Variants in RALGPS2 observed in about 807,000 individuals in gnomAD.
RALGPS2 encodes the protein ras-specific guanine nucleotide-releasing factor RalGPS2.
A neutral mutation model predicts 86.8 loss-of-function variants in RALGPS2; 43 were observed. The ratio of observed to expected loss-of-function variants is 0.50; its 90% CI spans 0.39 to 0.64. The LOEUF is 0.64. Among genes scored for constraint, RALGPS2 ranks in the 30% least tolerant of loss-of-function variants. RALGPS2 has a pLI of 0.00. For missense variants in RALGPS2, 536 were observed against 694.6 expected (o/e 0.77, Z 2.57); for synonymous variants, 243 against 231.3 (o/e 1.05, Z -0.46).
chr1:178,789,277 A>G (rs1233541746), intron 4 of RALGPS2, among the ~76,000 whole-genome samples: 1 of 152,186 alleles, frequency 6.6e-6, no homozygotes, highest in Non-Finnish European at 1.5e-5. Flanking sequence ...GGTGGTACCA[A>G]GGACTGAATC....
At chr1:178,727,184 C>T (rs925926568) in intron 1 of RALGPS2, among the ~76,000 whole-genome samples, 2 of 151,642 alleles carry the variant, frequency 1.3e-5, no homozygotes, top group Non-Finnish European at 2.9e-5. Flanking sequence ...TAAAATTCAG[C>T]ATAATTTTTG....
chr1:178,822,796 T>C (rs779283034), intron 7 of RALGPS2, among the ~76,000 whole-genome samples: 9 of 152,166 alleles, frequency 5.9e-5, no homozygotes, highest in Non-Finnish European at 1.2e-4. Context: ...TTATGAATTA[T>C]ATCTTTAAAG....
In RALGPS2 at chr1:178,889,654, G is replaced by T; in HGVS notation, c.1205G>T (p.Gly402Val). 6.2e-7 allele frequency: 1 copy of T among 1,607,774 alleles called. No individual in the cohort carries two copies. Among genetic ancestry groups the T allele is most frequent in the Non-Finnish European group, 8.5e-7 (1 of 1,176,034 alleles). ...CTTTTCATTTTAGGTAGCAGCGATG[G>T]TTCTGAACTAAGTGAAGAGACCTCA... Reference protein sequence around the residue: ...SSGISIGSSDGSELSEETSWP... With the variant: ...SSGISIGSSDVSELSEETSWP... Residue 402 changes from glycine (G) to valine (V), a missense_variant, in exon 14 of 20, where the codon GGT becomes GTT. Gly to Val is a moderately radical substitution (Grantham distance 109). Around this residue, in one of 3 missense-constraint regions of RALGPS2, gnomAD observed 309 missense variants for 363.0 expected, o/e 0.85. Coordinates refer to ENST00000367635, the MANE Select transcript of RALGPS2 (RefSeq NM_152663.5).
intron 7 of RALGPS2, among the ~76,000 whole-genome samples, chr1:178,826,851 G>A (rs934717976): frequency 1.3e-5 from 2 of 152,070 alleles, no homozygotes; most frequent in Non-Finnish European, 2.9e-5. Flanking sequence ...AAATGTGTAA[G>A]ACCTATATGC....
At chr1:178,826,763 T>A (rs1283491194) in intron 7 of RALGPS2, among the ~76,000 whole-genome samples, 3 of 152,144 alleles carry the variant, frequency 2.0e-5, no homozygotes, top group Non-Finnish European at 4.4e-5. Context: ...TTGGTTATAT[T>A]TGAAACAAGT....
chr1:178,833,121 T>C (rs1572379288), intron 7 of RALGPS2, among the ~76,000 whole-genome samples: 1 of 152,074 alleles, frequency 6.6e-6, no homozygotes, highest in Non-Finnish European at 1.5e-5. Context: ...AATGCATAAT[T>C]TTCTAAAATT....
chr1:178,871,416 T>G (rs1658747891), intron 8 of RALGPS2, among the ~76,000 whole-genome samples: 1 of 152,076 alleles, frequency 6.6e-6, no homozygotes, highest in Non-Finnish European at 1.5e-5. Context: ...GGCTGATGAG[T>G]TTGGTTTTTG....
chr1:178,899,641 GTTTTGGTTTTGGT>G (rs1030666462), intron 17 of RALGPS2, among the ~76,000 whole-genome samples: 1 of 143,840 alleles, frequency 7.0e-6, no homozygotes, highest in African/African-American at 2.8e-5. Flanking sequence ...TTTGGTTTTG[GTTTTGGTTTTGGT>G]TTTTTTTTTT....
chr1:178,894,534 C>T (rs894496156), intron 16 of RALGPS2, among the ~76,000 whole-genome samples: 2 of 152,044 alleles, frequency 1.3e-5, no homozygotes, highest in East Asian at 3.9e-4. Context: ...AGTGTGGAGA[C>T]GCTGGACAAA....
intron 8 of RALGPS2, among the ~76,000 whole-genome samples, chr1:178,845,881 A>G (rs189725316): frequency 1.3e-5 from 2 of 152,298 alleles, no homozygotes; most frequent in Admixed American, 1.3e-4. Context: ...TCTTTTCTAT[A>G]TCCTGGAAGA....
chr1:178,832,230 A>G (rs1213565132), intron 7 of RALGPS2, among the ~76,000 whole-genome samples: 1 of 152,178 alleles, frequency 6.6e-6, no homozygotes, highest in African/African-American at 2.4e-5. Context: ...ATATCCATCT[A>G]AAACATTAAA....
rs186802154 is a variant in RALGPS2 at position 178,779,328 on chromosome 1, C to T, written c.57+2507C>T. Among the ~76,000 whole-genome samples, 273 of 152,206 alleles carry T rather than the reference C, an allele frequency of 1.8e-3. 2 individuals are homozygous for T. The highest frequency in any genetic ancestry group is 3.8e-3 in the Admixed American group (58 of 15,290). ...GGAACTTGCCTGCTTTCCTTAATAA[C>T]TTTAGCATCTGGCTTCTATATTTCT... On this transcript the variant is annotated intron_variant, in intron 2 of 19. Transcript: ENST00000367635.
intron 1 of RALGPS2, among the ~76,000 whole-genome samples, chr1:178,738,694 CTG>C (rs1016942036): frequency 2.0e-5 from 3 of 152,126 alleles, no homozygotes; most frequent in Non-Finnish European, 2.9e-5. Context: ...TGATGAAAGT[CTG>C]TATGAATCTG....
At chr1:178,775,982 T>C (rs1040874737) in intron 1 of RALGPS2, among the ~76,000 whole-genome samples, 3 of 151,034 alleles carry the variant, frequency 2.0e-5, no homozygotes, top group African/African-American at 7.3e-5. Flanking sequence ...TTCCTTGCTA[T>C]AATTCCCTAA....
intron 6 of RALGPS2, among the ~76,000 whole-genome samples, chr1:178,818,989 T>C (rs975901097): frequency 1.5e-5 from 2 of 134,954 alleles, no homozygotes; most frequent in African/African-American, 6.3e-5. Flanking sequence ...TTTTTCTTTT[T>C]CTTTTTTTTT....
At chr1:178,788,776 C>CT (rs200482335) in intron 4 of RALGPS2, among the ~76,000 whole-genome samples, 4 of 151,570 alleles carry the variant, frequency 2.6e-5, no homozygotes, top group Admixed American at 6.6e-5. Context: ...TTAAGTCGCT[C>CT]TTTTTTTTCT....
At chr1:178,858,307 T>C (rs1315687322) in intron 8 of RALGPS2, among the ~76,000 whole-genome samples, 1 of 152,186 alleles carries the variant, frequency 6.6e-6, no homozygotes, top group Non-Finnish European at 1.5e-5. Flanking sequence ...AGATTCTCTA[T>C]TGTCCCTATC....
chr1:178,787,951 TTCA>T (rs1653748257), intron 4 of RALGPS2, among the ~76,000 whole-genome samples: 1 of 152,198 alleles, frequency 6.6e-6, no homozygotes, highest in Admixed American at 6.5e-5. Flanking sequence ...CTTAAAACAC[TTCA>T]TTGGCTTCCT....
At chr1:178,874,238 T>G (rs1331745140) in intron 8 of RALGPS2, among the ~76,000 whole-genome samples, 1 of 152,226 alleles carries the variant, frequency 6.6e-6, no homozygotes, top group Non-Finnish European at 1.5e-5. Flanking sequence ...GATGTCGTAG[T>G]TCTTTTTTAA....
Sources: gnomAD v4.1 joint callset for allele counts (sites outside exome capture counted in the v4.1 genomes callset) on GRCh38, gnomAD v4.1.1 for gene constraint, gnomAD v4.1.1 regional missense constraint, MANE v1.5 for transcripts, NCBI Gene and HGNC (gene_info 2026-07-23, HGNC 2026-07-21) for gene names.